The following EPB41L4B variants were observed in gnomAD, a reference collection of about 807,000 sequenced individuals.
EPB41L4B encodes band 4.1-like protein 4B.
Under a neutral mutation model 112.5 loss-of-function variants are expected in EPB41L4B, and 30 were observed. The observed-to-expected ratio is 0.27, with a 90% CI of 0.20 to 0.36. EPB41L4B has a LOEUF of 0.36. Among genes scored for constraint, EPB41L4B ranks in the 10% least tolerant of loss-of-function variants. The pLI is 1.00. For missense variants in EPB41L4B, 1,024 were observed against 1,133.3 expected (o/e 0.90, Z 1.38); for synonymous variants, 408 against 439.7 (o/e 0.93, Z 0.90).
intron 1 of EPB41L4B, chr9:109,307,379 C>A (rs1837251925): frequency 5.4e-6 from 2 of 367,152 alleles, no homozygotes; most frequent in South Asian, 2.2e-5. Flanking sequence ...AAATTTCCTG[C>A]TCTCCCATTA....
At chr9:109,277,650 G>C (rs1835885265) in intron 2 of EPB41L4B, among the ~76,000 whole-genome samples, 2 of 152,184 alleles carry the variant, frequency 1.3e-5, no homozygotes, top group South Asian at 4.1e-4. Flanking sequence ...AAACAGATGG[G>C]CCTGCGTGTC....
chr9:109,303,480 G>A (rs1055638857), intron 1 of EPB41L4B, among the ~76,000 whole-genome samples: 2 of 151,958 alleles, frequency 1.3e-5, no homozygotes, highest in Non-Finnish European at 2.9e-5. Context: ...CAAGTAGCTG[G>A]GATTACAGGT....
intron 18 of EPB41L4B, among the ~76,000 whole-genome samples, chr9:109,204,533 C>T (rs1832933420): frequency 6.6e-6 from 1 of 152,098 alleles, no homozygotes; most frequent in Non-Finnish European, 1.5e-5. Context: ...GTTCTGTTGC[C>T]CAGGCTGGAG....
chr9:109,208,377 G>A (rs531328075), intron 17 of EPB41L4B, among the ~76,000 whole-genome samples: 1 of 152,270 alleles, frequency 6.6e-6, no homozygotes, highest in East Asian at 1.9e-4. Flanking sequence ...TCAGTCCAGT[G>A]TTATTTTCCC....
intron 21 of EPB41L4B, among the ~76,000 whole-genome samples, chr9:109,193,814 G>A (rs147326803): frequency 1.2e-4 from 18 of 152,212 alleles, no homozygotes; most frequent in Admixed American, 8.5e-4. Flanking sequence ...TACTAACACC[G>A]GCTATATGAC....
chr9:109,200,474 C>A, intron 19 of EPB41L4B, 140 bp from the exon 20 acceptor site: 3 of 530,332 alleles, frequency 5.7e-6, no homozygotes, highest in Non-Finnish European at 6.7e-6. Context: ...GCCTTTCTAC[C>A]GTACTTAGTT....
intron 3 of EPB41L4B, among the ~76,000 whole-genome samples, chr9:109,267,865 G>A (rs1008779149): frequency 5.9e-5 from 9 of 152,176 alleles, no homozygotes; most frequent in African/African-American, 2.2e-4. Flanking sequence ...CTGACAGCTA[G>A]TTTTTACAAA....
chr9:109,203,768 A>AT, intron 18 of EPB41L4B, 38 bp from the exon 19 acceptor site: 1 of 1,523,178 alleles, frequency 6.6e-7, no homozygotes, highest in African/African-American at 1.4e-5. Flanking sequence ...AAAACTGAAT[A>AT]TGTTGGCATG....
At chr9:109,230,803 T>C (rs1217813676) in intron 15 of EPB41L4B, among the ~76,000 whole-genome samples, 1 of 152,154 alleles carries the variant, frequency 6.6e-6, no homozygotes, top group African/African-American at 2.4e-5. Context: ...AACTTAGTGG[T>C]CTTATATCTA....
At chr9:109,275,341 T>C (rs571577358) in intron 2 of EPB41L4B, among the ~76,000 whole-genome samples, 8 of 152,246 alleles carry the variant, frequency 5.3e-5, no homozygotes, top group Non-Finnish European at 7.4e-5. Context: ...AATAAGCCAA[T>C]AGCCAAGTGA....
At chr9:109,187,511 G>C (rs1186450720) in intron 22 of EPB41L4B, among the ~76,000 whole-genome samples, 2 of 152,026 alleles carry the variant, frequency 1.3e-5, no homozygotes, top group Non-Finnish European at 2.9e-5. Context: ...ACTTTTACCA[G>C]ACTACTTAAA....
intron 17 of EPB41L4B, 137 bp downstream of exon 17, chr9:109,213,563 C>G: frequency 1.4e-6 from 1 of 690,700 alleles, no homozygotes; most frequent in Non-Finnish European, 2.6e-6. Context: ...ACAGCCTGAA[C>G]AGAAATGTCA....
chr9:109,226,761 T>C (rs1588150643), intron 15 of EPB41L4B, among the ~76,000 whole-genome samples: 1 of 142,226 alleles, frequency 7.0e-6, no homozygotes, highest in African/African-American at 2.8e-5. Flanking sequence ...GAAGAATATA[T>C]ATATATGAAT....
Position 109,264,670 on chromosome 9 carries a change from C to A in EPB41L4B, c.578+310G>T, listed in dbSNP as rs966520216. Among the ~76,000 whole-genome samples, 4 of 152,308 alleles carry A rather than the reference C, an allele frequency of 2.6e-5. No homozygotes were observed. In the South Asian group the frequency reaches 8.3e-4, roughly 32 times the overall value. ...CTTGTAAGTGTATACATACTAATAA[C>A]GTATCTTGCTTGCAAATACGACAAA... On this transcript the variant is annotated intron_variant, in intron 5 of 25. Coordinates refer to ENST00000374566, the MANE Select transcript of EPB41L4B (RefSeq NM_019114.5).
At chr9:109,245,340 G>C (rs1834513303) in intron 14 of EPB41L4B, among the ~76,000 whole-genome samples, 1 of 152,170 alleles carries the variant, frequency 6.6e-6, no homozygotes, top group South Asian at 2.1e-4. Context: ...ATTCATCAGA[G>C]AGAGAGGTGG....
chr9:109,316,813 A>G (rs1837652899), intron 1 of EPB41L4B, among the ~76,000 whole-genome samples: 1 of 152,160 alleles, frequency 6.6e-6, no homozygotes, highest in Non-Finnish European at 1.5e-5. Flanking sequence ...GACTAAGAAC[A>G]CCCAGGGGCC....
intron 22 of EPB41L4B, 117 bp downstream of exon 22, chr9:109,192,161 C>T: frequency 1.2e-6 from 1 of 809,230 alleles, no homozygotes; most frequent in South Asian, 1.8e-5. Context: ...CCCTGAGCCT[C>T]CAGGACAAGA....
rs1471286615 is a variant in EPB41L4B, at chr9:109,294,304, C to T, written c.307-14383G>A. Among the ~76,000 whole-genome samples, 3 of 124,788 alleles carry T rather than the reference C, an allele frequency of 2.4e-5. No individual in the cohort carries two copies. The Admixed American group carries it at 2.6e-4, about 11-fold the overall frequency. The allele number at this position is 124,788 out of a possible 152,430, so 81.9% of individuals were successfully genotyped here. A position where few individuals can be genotyped will look rare whatever the true frequency, so the allele number is the denominator to read the frequency against. Reference sequence around the variant, plus strand: ...TGGGCGAGAGAGAGTGAGACTCCGTCTCAAAAAAAAAAAAAAAAAAATCAT... The same window carrying T: ...TGGGCGAGAGAGAGTGAGACTCCGTTTCAAAAAAAAAAAAAAAAAAATCAT... On this transcript the variant is annotated intron_variant, in intron 1 of 25. Coordinates refer to ENST00000374566, the MANE Select transcript of EPB41L4B (RefSeq NM_019114.5).
At chr9:109,255,989 G>C (rs573079322) in intron 9 of EPB41L4B, 146 bp from the exon 10 acceptor site, 3 of 1,166,000 alleles carry the variant, frequency 2.6e-6, no homozygotes, top group Non-Finnish European at 3.6e-6. Flanking sequence ...AAGTTTCAGC[G>C]CAACTGCCAC....
Sources: gnomAD v4.1 joint callset for allele counts (sites outside exome capture counted in the v4.1 genomes callset) on GRCh38, gnomAD v4.1.1 for gene constraint, MANE v1.5 for transcripts, NCBI Gene and HGNC (gene_info 2026-07-23, HGNC 2026-07-21) for gene names.